Variants in TSPAN9 observed in about 807,000 individuals in gnomAD.
The protein encoded by TSPAN9 is tetraspanin 9.
TSPAN9 carries 16 observed loss-of-function variants against 31.0 expected under a neutral mutation model. The ratio of observed to expected loss-of-function variants is 0.52; its 90% CI spans 0.35 to 0.78. The LOEUF (loss-of-function observed/expected upper bound fraction) is 0.78. TSPAN9 is among the 30% of genes least tolerant of loss of function. The pLI, the probability that TSPAN9 is intolerant of heterozygous loss-of-function variation, is 0.01. For missense variants in TSPAN9, 272 were observed against 312.5 expected (o/e 0.87, Z 0.98); for synonymous variants, 145 against 121.6 (o/e 1.19, Z -1.27).
intron 3 of TSPAN9, among the ~76,000 whole-genome samples, chr12:3,231,716 C>A (rs1412022406): frequency 6.6e-6 from 1 of 152,260 alleles, no homozygotes; most frequent in South Asian, 2.1e-4. Flanking sequence ...GGGCGGGCGG[C>A]GCCTTCAGAT....
chr12:3,257,909 A>G (rs1292300064), intron 3 of TSPAN9, among the ~76,000 whole-genome samples: 1 of 152,192 alleles, frequency 6.6e-6, no homozygotes, highest in Non-Finnish European at 1.5e-5. Context: ...ATGGTTCTGC[A>G]GGACAAGCAG....
intron 2 of TSPAN9, among the ~76,000 whole-genome samples, chr12:3,184,372 T>C (rs2153971494): frequency 6.6e-6 from 1 of 151,068 alleles, no homozygotes; most frequent in East Asian, 1.9e-4. Context: ...TGTTCCAGCC[T>C]GGGTGACAGA....
At chr12:3,180,568 AG>A (rs1444083625) in intron 2 of TSPAN9, among the ~76,000 whole-genome samples, 2 of 152,168 alleles carry the variant, frequency 1.3e-5, no homozygotes. Flanking sequence ...GCATGGATTG[AG>A]GGGTTGCTAC....
intron 2 of TSPAN9, among the ~76,000 whole-genome samples, chr12:3,188,339 G>A (rs1055518740): frequency 2.0e-5 from 3 of 152,226 alleles, no homozygotes; most frequent in African/African-American, 7.2e-5. Context: ...TGCCCTGCCA[G>A]GCTCCTGCGG....
intron 2 of TSPAN9, among the ~76,000 whole-genome samples, chr12:3,096,053 T>G (rs979250352): frequency 6.6e-6 from 1 of 151,410 alleles, no homozygotes; most frequent in Non-Finnish European, 1.5e-5. Context: ...CGGGCGGCGC[T>G]CCCGGCGCGG....
rs1448213589 is a variant in TSPAN9, at chr12:3,137,658, C to T, written c.-18+53939C>T. On this transcript the variant is annotated intron_variant, in intron 2 of 8. Coordinates refer to ENST00000011898, the MANE Select transcript of TSPAN9 (RefSeq NM_006675.5). ...GGCTCATCTCCCCCACCCCCTGCTC[C>T]AGCTGCGTCCTCCCTGTTGTGCTCC... Among the ~76,000 whole-genome samples the T allele has an allele frequency of 2.0e-5, 3 of 152,194 alleles. 1 individual carries two copies. Among genetic ancestry groups the T allele is most frequent in the African/African-American group, 7.2e-5 (3 of 41,448 alleles).
rs186356964 is a variant in TSPAN9 at position 3,238,950 on chromosome 12, C to T, written c.63+37694C>T. 7.9e-5 allele frequency among the ~76,000 whole-genome samples: 12 copies of T among 152,248 alleles called. No homozygotes were observed. The East Asian group carries it at 2.1e-3, about 27-fold the overall frequency. On this transcript the variant is annotated intron_variant, in intron 3 of 8. Transcript: ENST00000011898. ...TTTCCCTGAGAACATGCAGGCCCTC[C>T]CAAAGGAGGGTCGGGTGGCCGCCAT...
intron 2 of TSPAN9, among the ~76,000 whole-genome samples, chr12:3,110,103 C>G (rs1591632386): frequency 7.2e-6 from 1 of 139,250 alleles, no homozygotes; most frequent in East Asian, 2.1e-4. Flanking sequence ...TGTCCCTCCT[C>G]CACCTCAGCA....
chr12:3,214,341 C>T (rs762334934), intron 3 of TSPAN9, among the ~76,000 whole-genome samples: 2 of 152,198 alleles, frequency 1.3e-5, no homozygotes, highest in Non-Finnish European at 2.9e-5. Context: ...AGGGGACTGC[C>T]TCACCTGGAC....
At chr12:3,122,999 G>A (rs2098325827) in intron 2 of TSPAN9, among the ~76,000 whole-genome samples, 2 of 152,258 alleles carry the variant, frequency 1.3e-5, no homozygotes, top group African/African-American at 4.8e-5. Flanking sequence ...GGGGTCCCTG[G>A]GGGAGAGGCA....
intron 3 of TSPAN9, among the ~76,000 whole-genome samples, chr12:3,276,080 G>GA (rs1332978391): frequency 6.6e-6 from 1 of 152,196 alleles, no homozygotes; most frequent in Non-Finnish European, 1.5e-5. Flanking sequence ...GGAAGAAAGA[G>GA]AGGCTCGCAA....
chr12:3,281,596 A>T, intron 7 of TSPAN9, 138 bp from the exon 8 acceptor site: 5 of 1,133,064 alleles, frequency 4.4e-6, no homozygotes, highest in Non-Finnish European at 6.2e-6. Flanking sequence ...GCGCCAAGGG[A>T]TGGGGACAGG....
intron 3 of TSPAN9, among the ~76,000 whole-genome samples, chr12:3,225,439 T>G (rs890251416): frequency 6.6e-6 from 1 of 152,102 alleles, no homozygotes. Flanking sequence ...TGAAGGCGCT[T>G]GGAGGGAAGG....
intron 2 of TSPAN9, among the ~76,000 whole-genome samples, chr12:3,099,775 A>G (rs2098310914): frequency 6.6e-6 from 1 of 151,174 alleles, no homozygotes; most frequent in Admixed American, 6.6e-5. Flanking sequence ...ACTTAGCCTC[A>G]CTGCTAAGGC....
At chr12:3,126,844 C>G (rs2098327572) in intron 2 of TSPAN9, among the ~76,000 whole-genome samples, 1 of 152,092 alleles carries the variant, frequency 6.6e-6, no homozygotes, top group South Asian at 2.1e-4. Context: ...GATTGCACCA[C>G]TGCACTCCAG....
At chr12:3,273,738 C>T (rs954101700) in intron 3 of TSPAN9, among the ~76,000 whole-genome samples, 1 of 152,174 alleles carries the variant, frequency 6.6e-6, no homozygotes, top group Non-Finnish European at 1.5e-5. Context: ...TCTCCCTGCC[C>T]GCTGCACTGG....
At chr12:3,206,129 T>G (rs2098375041) in intron 3 of TSPAN9, among the ~76,000 whole-genome samples, 2 of 152,160 alleles carry the variant, frequency 1.3e-5, no homozygotes, top group Admixed American at 1.3e-4. Flanking sequence ...TCCGGCCTGC[T>G]CCTATCTCCA....
At chr12:3,247,912 C>A (rs923014647) in intron 3 of TSPAN9, among the ~76,000 whole-genome samples, 3 of 152,228 alleles carry the variant, frequency 2.0e-5, no homozygotes, top group Non-Finnish European at 4.4e-5. Flanking sequence ...GCTTCTGTTG[C>A]TAGAACAGGG....
intron 2 of TSPAN9, among the ~76,000 whole-genome samples, chr12:3,087,095 A>AGGG (rs2098300919): frequency 1.3e-5 from 2 of 152,192 alleles, no homozygotes; most frequent in African/African-American, 4.8e-5. Flanking sequence ...AGCCATGCAC[A>AGGG]TGTGTGGGTG....
Sources: gnomAD v4.1 joint callset for allele counts (sites outside exome capture counted in the v4.1 genomes callset) on GRCh38, gnomAD v4.1.1 for gene constraint, MANE v1.5 for transcripts, NCBI Gene and HGNC (gene_info 2026-07-23, HGNC 2026-07-21) for gene names.